The following ITGA9 variants were observed in gnomAD, a reference collection of about 807,000 sequenced individuals.
ITGA9 encodes the protein integrin alpha-9.
Under a neutral mutation model 127.8 loss-of-function variants are expected in ITGA9, and 56 were observed. The ratio of observed to expected loss-of-function variants is 0.44; its 90% CI spans 0.35 to 0.55. The LOEUF is 0.55. Among genes scored for constraint, ITGA9 ranks in the 20% least tolerant of loss-of-function variants. The probability of loss-of-function intolerance (pLI) is 0.00; values close to 1 mark genes in which losing one functional copy is unlikely to be tolerated. For missense variants in ITGA9, 1,196 were observed against 1,347.1 expected, an observed-to-expected ratio of 0.89 and a Z score of 1.76; for synonymous variants, 508 against 514.5, an observed-to-expected ratio of 0.99 and a Z score of 0.17.
intron 15 of ITGA9, among the ~76,000 whole-genome samples, chr3:37,605,512 A>G (rs989160314): frequency 3.3e-5 from 5 of 152,326 alleles, no homozygotes; most frequent in Admixed American, 1.3e-4. Flanking sequence ...TGCCTCTGCT[A>G]CTTCATTCCT....
chr3:37,577,834 T>A (rs771667142), intron 15 of ITGA9, among the ~76,000 whole-genome samples: 1 of 152,234 alleles, frequency 6.6e-6, no homozygotes, highest in Non-Finnish European at 1.5e-5. Context: ...TTTTATTTAG[T>A]CATGAGCGTC....
intron 25 of ITGA9, among the ~76,000 whole-genome samples, chr3:37,782,948 G>A (rs1381264782): frequency 6.6e-6 from 1 of 152,148 alleles, no homozygotes; most frequent in Non-Finnish European, 1.5e-5. Flanking sequence ...GACCAGCCTG[G>A]CCAACATGGT....
chr3:37,780,182 A>G (rs1440697286), intron 25 of ITGA9, among the ~76,000 whole-genome samples, 161 bp downstream of exon 25: 1 of 152,122 alleles, frequency 6.6e-6, no homozygotes. Context: ...GACTGTTTTT[A>G]TTTTTATGTA....
intron 12 of ITGA9, among the ~76,000 whole-genome samples, chr3:37,524,328 T>A (rs1030801437): frequency 3.3e-5 from 5 of 152,232 alleles, no homozygotes; most frequent in Non-Finnish European, 7.3e-5. Context: ...TCAGGAAACA[T>A]TTCTCTAAAT....
intron 1 of ITGA9, among the ~76,000 whole-genome samples, chr3:37,460,739 C>T (rs1272648883): frequency 2.6e-5 from 4 of 151,718 alleles, no homozygotes; most frequent in Non-Finnish European, 5.9e-5. Context: ...ACAGGTGCCC[C>T]CCACCACACC....
intron 15 of ITGA9, among the ~76,000 whole-genome samples, chr3:37,587,653 A>G (rs1040000179): frequency 3.3e-5 from 5 of 152,060 alleles, no homozygotes; most frequent in Admixed American, 6.5e-5. Flanking sequence ...TTTATTTGCT[A>G]GGGGTGCAAA....
intron 23 of ITGA9, among the ~76,000 whole-genome samples, chr3:37,752,903 C>T (rs950407568): frequency 1.3e-5 from 2 of 152,326 alleles, no homozygotes; most frequent in Admixed American, 6.5e-5. Flanking sequence ...AACTCCCAGC[C>T]TTGGCTCGTG....
At chr3:37,656,950 T>A (rs531903811) in intron 17 of ITGA9, among the ~76,000 whole-genome samples, 13 of 152,306 alleles carry the variant, frequency 8.5e-5, no homozygotes, top group African/African-American at 3.1e-4. Flanking sequence ...GAGATAATCA[T>A]GTGTTTTTTT....
At chr3:37,643,676 C>T (rs568288575) in intron 16 of ITGA9, among the ~76,000 whole-genome samples, 5 of 152,090 alleles carry the variant, frequency 3.3e-5, no homozygotes, top group Admixed American at 2.6e-4. Context: ...TAAACACACC[C>T]GGTGGACAGT....
At position 37,553,792 on chromosome 3, in the gene ITGA9, C is replaced by G. The variant is rs548963807; in HGVS notation, c.1689+11207C>G. Among the ~76,000 whole-genome samples, 13 of 152,260 alleles carry G rather than the reference C, an allele frequency of 8.5e-5. No homozygotes were observed. The South Asian group carries it at 2.3e-3, about 27-fold the overall frequency. ...AGTACCATGGTGTCTGCAGGGAGTTCCCAGTTCTTACTGCTGTCTGAGAAT... is the reference window on the plus strand; with the variant it reads ...AGTACCATGGTGTCTGCAGGGAGTTGCCAGTTCTTACTGCTGTCTGAGAAT... On this transcript the variant is annotated intron_variant, in intron 15 of 27. Coordinates refer to ENST00000264741, the MANE Select transcript of ITGA9 (RefSeq NM_002207.3).
At chr3:37,720,137 C>A (rs1701176263) in intron 18 of ITGA9, among the ~76,000 whole-genome samples, 1 of 152,136 alleles carries the variant, frequency 6.6e-6, no homozygotes. Context: ...TGTCCAGGGA[C>A]CACACTTTGA....
intron 17 of ITGA9, among the ~76,000 whole-genome samples, chr3:37,665,129 T>C (rs1276298504): frequency 1.3e-5 from 2 of 151,992 alleles, no homozygotes; most frequent in Non-Finnish European, 2.9e-5. Context: ...CCCACCATCA[T>C]GCCCAGCTAA....
At chr3:37,666,460 G>A (rs1700587226) in intron 17 of ITGA9, among the ~76,000 whole-genome samples, 1 of 152,186 alleles carries the variant, frequency 6.6e-6, no homozygotes, top group Admixed American at 6.5e-5. Context: ...AGCTGTTTGG[G>A]TCTTCTGGTC....
In ITGA9 at chr3:37,705,080, G is replaced by C. The variant is rs554180564; in HGVS notation, c.2067+21065G>C. On this transcript the variant is annotated intron_variant, in intron 18 of 27. Coordinates refer to ENST00000264741, the MANE Select transcript of ITGA9 (RefSeq NM_002207.3). Reference sequence around the variant, plus strand: ...CAAACTTACAAATGGGAAAGTGGATGCTTAGAATGGCATGAATGTTGGCTG... The same window carrying C: ...CAAACTTACAAATGGGAAAGTGGATCCTTAGAATGGCATGAATGTTGGCTG... 2.6e-5 allele frequency among the ~76,000 whole-genome samples: 4 copies of C among 152,324 alleles called. 1 individual carries two copies. The highest frequency in any genetic ancestry group is 9.6e-5 in the African/African-American group (4 of 41,578).
rs1170081653 is a variant in ITGA9, at chr3:37,566,120, T to A, written c.1689+23535T>A. Among the ~76,000 whole-genome samples the A allele has an allele frequency of 7.9e-5, 12 of 152,272 alleles. No homozygotes were observed. In the East Asian group the frequency reaches 2.1e-3, roughly 27 times the overall value. Reference sequence around the variant, plus strand: ...ATAAGAAGTTATAACTCATAAGAAGTTTTAACTCATAAAAAGTCAAAATAG... The same window carrying A: ...ATAAGAAGTTATAACTCATAAGAAGATTTAACTCATAAAAAGTCAAAATAG... On this transcript the variant is annotated intron_variant, in intron 15 of 27. Transcript: ENST00000264741.
chr3:37,777,651 AC>A, intron 24 of ITGA9, 134 bp downstream of exon 24: 1 of 963,204 alleles, frequency 1.0e-6, no homozygotes, highest in Non-Finnish European at 1.6e-6. Context: ...ACTGTGGTCA[AC>A]TCCTAATTTT....
At chr3:37,585,495 C>T (rs1254931119) in intron 15 of ITGA9, 11 of 450,958 alleles carry the variant, frequency 2.4e-5, no homozygotes, top group Admixed American at 9.0e-5. Flanking sequence ...TAAGGTTTTA[C>T]TTTTCTTCTT....
intron 13 of ITGA9, among the ~76,000 whole-genome samples, chr3:37,528,197 G>T (rs774937468): frequency 1.6e-4 from 24 of 152,148 alleles, no homozygotes; most frequent in Non-Finnish European, 2.2e-4. Context: ...AATCCAAAGG[G>T]TATTTTCTTT....
chr3:37,743,505 T>C (rs770281714), intron 21 of ITGA9, among the ~76,000 whole-genome samples: 13 of 152,252 alleles, frequency 8.5e-5, no homozygotes, highest in Non-Finnish European at 1.6e-4. Context: ...GTTTTTTAAG[T>C]GAATTTGTCA....
Sources: allele counts gnomAD v4.1 joint callset (sites outside exome capture counted in the v4.1 genomes callset), GRCh38; gene constraint gnomAD v4.1.1; transcripts MANE v1.5; gene names NCBI Gene and HGNC (gene_info 2026-07-23, HGNC 2026-07-21).